Variants in PTPRO observed in about 807,000 individuals in gnomAD.
PTPRO encodes receptor-type tyrosine-protein phosphatase O.
A neutral mutation model predicts 145.2 loss-of-function variants in PTPRO; 62 were observed. That is an observed-to-expected ratio of 0.43 (90% CI 0.35 to 0.53). PTPRO has a LOEUF of 0.53. Among genes scored for constraint, PTPRO ranks in the 20% least tolerant of loss-of-function variants. The pLI is 0.01. For synonymous variants in PTPRO, 565 were observed against 514.7 expected, an observed-to-expected ratio of 1.10 and a Z score of -1.32; for missense variants, 1,345 against 1,482.7, an observed-to-expected ratio of 0.91 and a Z score of 1.53.
chr12:15,553,764 A>G (rs911312551), intron 15 of PTPRO, among the ~76,000 whole-genome samples: 1 of 152,228 alleles, frequency 6.6e-6, no homozygotes, highest in Admixed American at 6.5e-5. Flanking sequence ...AGAGACAGGC[A>G]TATCAACTGT....
chr12:15,447,547 A>G (rs1940931485), intron 1 of PTPRO, among the ~76,000 whole-genome samples: 1 of 152,184 alleles, frequency 6.6e-6, no homozygotes, highest in Non-Finnish European at 1.5e-5. Flanking sequence ...AATTAGATGT[A>G]GGATTAAAAA....
chr12:15,557,536 T>C lies in PTPRO; in HGVS notation c.2627+13T>C. ...TTCCATACAACTGGTGAGTATTGTT[T>C]TGGAACAAGCTTCTACATAGTTTAA... On this transcript the variant is annotated intron_variant, in intron 16 of 26. Coordinates refer to ENST00000281171, the MANE Select transcript of PTPRO (RefSeq NM_030667.3). 2.5e-6 allele frequency: 4 copies of C among 1,609,840 alleles called. No individual in the cohort carries two copies. Among genetic ancestry groups the C allele is most frequent in the Non-Finnish European group, 2.6e-6 (3 of 1,176,194 alleles).
intron 12 of PTPRO, chr12:15,546,215 T>C: frequency 1.8e-6 from 1 of 551,146 alleles, no homozygotes; most frequent in Non-Finnish European, 2.4e-6. Context: ...CTTTATTAAG[T>C]GCAGATTTTT....
intron 7 of PTPRO, among the ~76,000 whole-genome samples, chr12:15,512,759 C>T (rs1565674995): frequency 1.3e-5 from 2 of 152,228 alleles, no homozygotes; most frequent in Non-Finnish European, 2.9e-5. Context: ...TTTGGGAGGC[C>T]AAGGCAGGAG....
chr12:15,452,328 G>C (rs949012999), intron 1 of PTPRO, among the ~76,000 whole-genome samples: 4 of 152,084 alleles, frequency 2.6e-5, no homozygotes, highest in African/African-American at 7.2e-5. Context: ...CCAATAACGA[G>C]CAGTGAGATT....
At chr12:15,458,693 G>T (rs556444598) in intron 1 of PTPRO, among the ~76,000 whole-genome samples, 3 of 150,834 alleles carry the variant, frequency 2.0e-5, no homozygotes, top group African/African-American at 7.3e-5. Context: ...CTGGTTTCTT[G>T]GTAGTCTTTT....
At chr12:15,444,878 G>A (rs1373285309) in intron 1 of PTPRO, among the ~76,000 whole-genome samples, 1 of 152,050 alleles carries the variant, frequency 6.6e-6, no homozygotes, top group East Asian at 1.9e-4. Context: ...TATAATAGAT[G>A]ACTTATAAGT....
At chr12:15,519,500 A>C (rs1402546520) in intron 9 of PTPRO, among the ~76,000 whole-genome samples, 2 of 152,152 alleles carry the variant, frequency 1.3e-5, no homozygotes, top group African/African-American at 2.4e-5. Flanking sequence ...TGTATTTGTT[A>C]ATCAACATTT....
intron 1 of PTPRO, among the ~76,000 whole-genome samples, chr12:15,385,360 G>A (rs1938991132): frequency 6.6e-6 from 1 of 152,144 alleles, no homozygotes; most frequent in Non-Finnish European, 1.5e-5. Flanking sequence ...TACGGATTCA[G>A]ACACCTGGAG....
chr12:15,395,904 G>A (rs978827351), intron 1 of PTPRO, among the ~76,000 whole-genome samples: 2 of 151,980 alleles, frequency 1.3e-5, no homozygotes, highest in Non-Finnish European at 2.9e-5. Context: ...GATTGATTAA[G>A]CAATGAACCT....
At chr12:15,535,468 T>C (rs931726891) in intron 12 of PTPRO, among the ~76,000 whole-genome samples, 5 of 152,180 alleles carry the variant, frequency 3.3e-5, no homozygotes, top group African/African-American at 1.2e-4. Context: ...ACCACCATCA[T>C]CAAACTTATG....
intron 12 of PTPRO, among the ~76,000 whole-genome samples, chr12:15,544,377 C>T (rs1263770277): frequency 1.5e-4 from 22 of 151,560 alleles, no homozygotes; most frequent in Admixed American, 1.2e-3. Context: ...TGGTGGCATG[C>T]GCCTGTAGTC....
chr12:15,341,839 C>G (rs187681312), intron 1 of PTPRO, among the ~76,000 whole-genome samples: 87 of 152,284 alleles, frequency 5.7e-4, no homozygotes, highest in African/African-American at 2.0e-3. Flanking sequence ...CAGCATAAAG[C>G]AAAGATTACC....
intron 16 of PTPRO, among the ~76,000 whole-genome samples, chr12:15,558,978 T>C (rs1456182637): frequency 2.0e-5 from 3 of 152,134 alleles, no homozygotes; most frequent in Non-Finnish European, 4.4e-5. Context: ...GTTACTAGGT[T>C]TGTTCAAATA....
At chr12:15,527,754 A>G (rs906784982) in intron 12 of PTPRO, among the ~76,000 whole-genome samples, 1 of 152,264 alleles carries the variant, frequency 6.6e-6, no homozygotes, top group African/African-American at 2.4e-5. Context: ...CTAGGCAAAC[A>G]TAGCCAATAA....
At chr12:15,536,013 A>G (rs1943058494) in intron 12 of PTPRO, among the ~76,000 whole-genome samples, 1 of 152,092 alleles carries the variant, frequency 6.6e-6, no homozygotes, top group South Asian at 2.1e-4. Context: ...CCAGTCAGCT[A>G]GAAAGAAGCT....
At chr12:15,486,995 TGATAG>T (rs560216968) in intron 2 of PTPRO, among the ~76,000 whole-genome samples, 10 of 152,282 alleles carry the variant, frequency 6.6e-5, no homozygotes, top group African/African-American at 2.4e-4. Context: ...GTTCTTCCCA[TGATAG>T]GCTGCCAGGA....
intron 1 of PTPRO, among the ~76,000 whole-genome samples, chr12:15,472,114 T>G (rs1480077943): frequency 6.6e-6 from 1 of 152,218 alleles, no homozygotes; most frequent in Non-Finnish European, 1.5e-5. Context: ...GGTGGTAACC[T>G]GAGCACAGCA....
intron 21 of PTPRO, 113 bp from the exon 22 acceptor site, chr12:15,580,584 T>A (rs1944288546): frequency 7.7e-7 from 1 of 1,302,574 alleles, no homozygotes; most frequent in Non-Finnish European, 1.1e-6. Context: ...AGGTGTGTGA[T>A]CCTTTGCCAA....
Sources: allele counts gnomAD v4.1 joint callset (sites outside exome capture counted in the v4.1 genomes callset), GRCh38; gene constraint gnomAD v4.1.1; transcripts MANE v1.5; gene names NCBI Gene and HGNC (gene_info 2026-07-23, HGNC 2026-07-21).